Variants in MAPRE3 observed in about 807,000 individuals in gnomAD.
MAPRE3 encodes the protein microtubule-associated protein RP/EB family member 3.
In MAPRE3, 2 loss-of-function variants were observed where a neutral mutation model predicts 30.5. The ratio of observed to expected loss-of-function variants is 0.07; its 90% CI spans 0.03 to 0.21. MAPRE3 has a LOEUF of 0.21. Among genes scored for constraint, MAPRE3 ranks in the 10% least tolerant of loss-of-function variants. The pLI, the probability that MAPRE3 is intolerant of heterozygous loss-of-function variation, is 1.00. For synonymous variants in MAPRE3, 110 were observed against 127.7 expected (o/e 0.86, Z 0.93); for missense variants, 204 against 351.8 (o/e 0.58, Z 3.36).
intron 5 of MAPRE3, 40 bp from the exon 6 acceptor site, chr2:27,025,840 T>G (rs1667228871): frequency 1.2e-6 from 2 of 1,613,760 alleles, no homozygotes; most frequent in African/African-American, 2.7e-5. Flanking sequence ...GAACCTGAGG[T>G]GGGGACCTCT....
intron 1 of MAPRE3, chr2:26,995,632 CT>C (rs1402588484): frequency 6.6e-6 from 1 of 151,866 alleles, no homozygotes; most frequent in Non-Finnish European, 1.5e-5. Context: ...TTATACTGGC[CT>C]AAATAAATAA....
chr2:26,974,690 C>T (rs934449966), intron 1 of MAPRE3, among the ~76,000 whole-genome samples: 1 of 152,238 alleles, frequency 6.6e-6, no homozygotes, highest in East Asian at 1.9e-4. Flanking sequence ...ATCCAGCCAT[C>T]TCCTGGCTGT....
chr2:26,998,560 C>T (rs562706375), intron 1 of MAPRE3, among the ~76,000 whole-genome samples: 2 of 152,304 alleles, frequency 1.3e-5, no homozygotes, highest in South Asian at 4.2e-4. Flanking sequence ...CAGTTCAGTT[C>T]TGCTAATATC....
rs377625846 is a variant in MAPRE3, at chr2:27,016,487, C to A, written c.-7-5725C>A. 3.1e-3 allele frequency among the ~76,000 whole-genome samples: 466 copies of A among 151,648 alleles called. 3 individuals are homozygous for A. The highest frequency in any genetic ancestry group is 0.011 in the African/African-American group (444 of 41,312). ...GCAAGCTCCGCCTCCCGGGTTCACG[C>A]CATTCTCCTGCCTCAGCCTCCTGAG... On this transcript the variant is annotated intron_variant, in intron 1 of 6. Transcript: ENST00000233121.
intron 1 of MAPRE3, among the ~76,000 whole-genome samples, chr2:26,991,845 C>G (rs1235627574): frequency 6.6e-6 from 1 of 152,150 alleles, no homozygotes; most frequent in Non-Finnish European, 1.5e-5. Context: ...TTCTCTCTAT[C>G]CCACTAAAAG....
chr2:27,000,002 C>A (rs573719353), intron 1 of MAPRE3, among the ~76,000 whole-genome samples: 1 of 152,052 alleles, frequency 6.6e-6, no homozygotes, highest in Non-Finnish European at 1.5e-5. Flanking sequence ...TTTACAACTG[C>A]AGTAAGGAAG....
chr2:27,009,060 A>G (rs1215075992), intron 1 of MAPRE3, among the ~76,000 whole-genome samples: 1 of 152,136 alleles, frequency 6.6e-6, no homozygotes, highest in Admixed American at 6.5e-5. Flanking sequence ...GGGGGAGGGC[A>G]CAGCTATAAA....
At chr2:27,017,187 G>A (rs1667008761) in intron 1 of MAPRE3, among the ~76,000 whole-genome samples, 1 of 152,220 alleles carries the variant, frequency 6.6e-6, no homozygotes, top group Non-Finnish European at 1.5e-5. Context: ...GTGCAGCAGA[G>A]AATTCCTGCA....
intron 1 of MAPRE3, among the ~76,000 whole-genome samples, chr2:26,980,384 A>C (rs1055593331): frequency 6.6e-5 from 10 of 152,254 alleles, no homozygotes; most frequent in African/African-American, 2.4e-4. Flanking sequence ...TTGTAAAATA[A>C]TTCTATTCTT....
intron 1 of MAPRE3, among the ~76,000 whole-genome samples, chr2:27,018,523 C>T (rs1667036939): frequency 6.6e-6 from 1 of 152,214 alleles, no homozygotes; most frequent in Non-Finnish European, 1.5e-5. Context: ...TTTGGTTATA[C>T]TGTTCTCATG....
intron 4 of MAPRE3, among the ~76,000 whole-genome samples, chr2:27,025,281 G>T (rs567045154): frequency 6.6e-6 from 1 of 152,126 alleles, no homozygotes; most frequent in African/African-American, 2.4e-5. Context: ...CCAAATTTGC[G>T]TCCTAATTTC....
At chr2:26,992,785 T>C (rs566828856) in intron 1 of MAPRE3, among the ~76,000 whole-genome samples, 1 of 152,342 alleles carries the variant, frequency 6.6e-6, no homozygotes, top group East Asian at 1.9e-4. Flanking sequence ...AATTGCATCT[T>C]ACTCATTGAT....
intron 1 of MAPRE3, among the ~76,000 whole-genome samples, chr2:27,020,983 AG>A (rs1218772273): frequency 5.3e-5 from 8 of 152,212 alleles, no homozygotes; most frequent in Admixed American, 5.2e-4. Flanking sequence ...AAAAATATTC[AG>A]GAAAAAAAAA....
At chr2:27,019,632 T>C (rs1667071296) in intron 1 of MAPRE3, among the ~76,000 whole-genome samples, 1 of 152,166 alleles carries the variant, frequency 6.6e-6, no homozygotes, top group South Asian at 2.1e-4. Flanking sequence ...TCAACATTAC[T>C]CTCGGAAAGC....
At chr2:26,984,528 G>C (rs2148200701) in intron 1 of MAPRE3, among the ~76,000 whole-genome samples, 1 of 152,312 alleles carries the variant, frequency 6.6e-6, no homozygotes, top group South Asian at 2.1e-4. Flanking sequence ...GTGGCACCAG[G>C]GGGTGGTTTG....
intron 1 of MAPRE3, among the ~76,000 whole-genome samples, chr2:26,984,292 GA>G (rs888826685): frequency 5.3e-5 from 8 of 152,126 alleles, no homozygotes; most frequent in African/African-American, 1.9e-4. Context: ...AAACATTGCA[GA>G]AATGCACAAT....
In MAPRE3 at chr2:27,015,221, G is replaced by A. The variant is rs959279917; in HGVS notation, c.-7-6991G>A. ...CCTTAGATTCTCACTGTCTGTCCCC[G>A]CGATGCTGACAGCACTTGCCAAATA... On this transcript the variant is annotated intron_variant, in intron 1 of 6. Coordinates refer to ENST00000233121, the MANE Select transcript of MAPRE3 (RefSeq NM_012326.4). This position sits in a 1 kb window ranked among gnomAD's most constrained non-coding sequence, Gnocchi z 4.0. Among the ~76,000 whole-genome samples the A allele has an allele frequency of 6.6e-6, 1 of 152,208 alleles. No homozygotes were observed. Among genetic ancestry groups the A allele is most frequent in the Non-Finnish European group, 1.5e-5 (1 of 68,034 alleles).
At position 26,983,648 on chromosome 2, in the gene MAPRE3, T is replaced by C. The variant is rs184526985; in HGVS notation, c.-8+12846T>C. ...TTGAACTCAGATGGTTCTCCCAGTA[T>C]CTAGCTGTTCTGTGGAAATTATGTT... On this transcript the variant is annotated intron_variant, in intron 1 of 6. Transcript: ENST00000233121. Among the ~76,000 whole-genome samples the C allele has an allele frequency of 3.7e-4, 56 of 152,332 alleles. 1 individual carries two copies. In the Middle Eastern group the frequency reaches 0.014, roughly 37 times the overall value.
chr2:26,973,016 A>G (rs763470323), intron 1 of MAPRE3, among the ~76,000 whole-genome samples: 4 of 152,214 alleles, frequency 2.6e-5, no homozygotes, highest in African/African-American at 4.8e-5. Flanking sequence ...ACCTAAATCT[A>G]TGTAATGGTA....
Sources: allele counts gnomAD v4.1 joint callset (sites outside exome capture counted in the v4.1 genomes callset), GRCh38; gene constraint gnomAD v4.1.1; non-coding constraint Gnocchi (gnomAD v3.1); transcripts MANE v1.5; gene names NCBI Gene and HGNC (gene_info 2026-07-23, HGNC 2026-07-21).